RYR2: variants seen among roughly 807,000 people sequenced by gnomAD.
The protein encoded by RYR2 is cardiac muscle ryanodine receptor-calcium release channel.
A neutral mutation model predicts 601.1 loss-of-function variants in RYR2; 227 were observed. That is an observed-to-expected ratio of 0.38 (90% CI 0.34 to 0.42). The LOEUF is 0.42. RYR2 is among the 10% of genes least tolerant of loss of function. RYR2 has a pLI of 1.00. For synonymous variants in RYR2, 2,223 were observed against 2,175.1 expected (o/e 1.02, Z -0.61); for missense variants, 4,646 against 6,156.5 (o/e 0.75, Z 8.21).
intron 1 of RYR2, among the ~76,000 whole-genome samples, chr1:237,215,112 C>A (rs1411420846): frequency 1.3e-5 from 2 of 152,152 alleles, no homozygotes; most frequent in African/African-American, 4.8e-5. Context: ...AGTATATCTT[C>A]CTTTGGCCTA....
In RYR2 at chr1:237,291,294, T is replaced by G. The variant is rs183153617; in HGVS notation, c.168+20678T>G. Among the ~76,000 whole-genome samples the G allele has an allele frequency of 1.2e-3, 189 of 152,210 alleles. 3 individuals are homozygous for G. Among genetic ancestry groups the G allele is most frequent in the African/African-American group, 3.4e-3 (143 of 41,540 alleles). Reference sequence around the variant, plus strand: ...CCAAAACTCAGACAACAACCAATGCTGGTGGGGATGTGGAGCAACAGGAAC... The same window carrying G: ...CCAAAACTCAGACAACAACCAATGCGGGTGGGGATGTGGAGCAACAGGAAC... On this transcript the variant is annotated intron_variant, in intron 2 of 104. Transcript: ENST00000366574.
At chr1:237,278,248 T>TA (rs2149372890) in intron 2 of RYR2, among the ~76,000 whole-genome samples, 1 of 104,748 alleles carries the variant, frequency 9.5e-6, no homozygotes, top group Non-Finnish European at 1.8e-5. Context: ...TTTTTGTATT[T>TA]TTTTTTTTTT....
chr1:237,374,875 T>G (rs1269650323), intron 7 of RYR2, 80 bp downstream of exon 7: 1 of 1,036,058 alleles, frequency 9.7e-7, no homozygotes. Context: ...GGAAATACGA[T>G]ACATGGGATG....
At chr1:237,628,165 A>T in intron 41 of RYR2, 85 bp downstream of exon 41, 5 of 1,383,774 alleles carry the variant, frequency 3.6e-6, no homozygotes, top group Non-Finnish European at 3.9e-6. Context: ...AACTACATTG[A>T]TAAAAATATA....
chr1:237,240,454 A>G (rs1686024250), intron 1 of RYR2, among the ~76,000 whole-genome samples: 1 of 152,066 alleles, frequency 6.6e-6, no homozygotes, highest in Non-Finnish European at 1.5e-5. Flanking sequence ...ACACATTTGA[A>G]ATTTATATAC....
intron 1 of RYR2, among the ~76,000 whole-genome samples, chr1:237,154,963 A>T (rs1160671195): frequency 6.6e-6 from 1 of 152,060 alleles, no homozygotes; most frequent in Non-Finnish European, 1.5e-5. Context: ...CTCATTGTTC[A>T]TACTTTCTAC....
At chr1:237,507,371 A>T (rs1665378779) in intron 23 of RYR2, among the ~76,000 whole-genome samples, 1 of 152,204 alleles carries the variant, frequency 6.6e-6, no homozygotes. Context: ...ATTTAGATTT[A>T]AAACAAACAA....
At chr1:237,750,152 C>CA (rs1045018330) in intron 80 of RYR2, among the ~76,000 whole-genome samples, 5 of 151,056 alleles carry the variant, frequency 3.3e-5, no homozygotes, top group African/African-American at 7.3e-5. Flanking sequence ...TCTCAAAAAA[C>CA]AAAAAAAGAA....
chr1:237,527,072 T>G (rs1264429235), intron 24 of RYR2, among the ~76,000 whole-genome samples: 1 of 152,214 alleles, frequency 6.6e-6, no homozygotes, highest in Non-Finnish European at 1.5e-5. Flanking sequence ...ATTTCTCCAG[T>G]GTTTATTTTT....
At chr1:237,112,216 C>T (rs1315883745) in intron 1 of RYR2, among the ~76,000 whole-genome samples, 2 of 152,148 alleles carry the variant, frequency 1.3e-5, no homozygotes, top group East Asian at 1.9e-4. Context: ...CGGGTTCAAG[C>T]GATTCTCCTG....
Position 237,493,049 on chromosome 1 carries a change from C to T in RYR2, c.1923C>T (p.Asp641=). ...LICDNLLPGR[D]LLLQTRLVNH... is the part of the protein sequence containing the mutation. ...GTGACAATCTCCTACCAGGAAGAGA[C>T]TTGTTATTGCAGACACGTCTTGTGA... The change falls in exon 19 of 105, where the codon GAC becomes GAT. Residue 641 remains aspartate (D), a synonymous_variant. Coordinates refer to ENST00000366574, the MANE Select transcript of RYR2 (RefSeq NM_001035.3). 1 of 1,613,464 alleles carries T rather than the reference C, an allele frequency of 6.2e-7. No homozygotes were observed. The highest frequency in any genetic ancestry group is 8.5e-7 in the Non-Finnish European group (1 of 1,179,726).
At chr1:237,642,769 T>C (rs1223922162) in intron 47 of RYR2, among the ~76,000 whole-genome samples, 1 of 152,192 alleles carries the variant, frequency 6.6e-6, no homozygotes, top group Non-Finnish European at 1.5e-5. Context: ...TCCTGGATAC[T>C]TCATGTCAGT....
intron 2 of RYR2, among the ~76,000 whole-genome samples, chr1:237,275,542 T>TTTCATGGCCCCAA (rs1293544730): frequency 2.0e-5 from 3 of 152,068 alleles, no homozygotes; most frequent in Admixed American, 2.0e-4. Flanking sequence ...GACAAAGTAG[T>TTTCATGGCCCCAA]TTCATGGCCC....
At chr1:237,193,420 A>C (rs1680226077) in intron 1 of RYR2, among the ~76,000 whole-genome samples, 1 of 152,182 alleles carries the variant, frequency 6.6e-6, no homozygotes, top group African/African-American at 2.4e-5. Flanking sequence ...AGATCGCGCC[A>C]CTGCACTCCA....
At chr1:237,511,858 A>AG in intron 24 of RYR2, 67 bp downstream of exon 24, 2 of 922,396 alleles carry the variant, frequency 2.2e-6, no homozygotes, top group African/African-American at 1.7e-5. Context: ...AAAAAAAAAA[A>AG]ACAGGTATTG....
chr1:237,307,390 G>T (rs1325256375), intron 2 of RYR2, among the ~76,000 whole-genome samples: 1 of 152,184 alleles, frequency 6.6e-6, no homozygotes, highest in Non-Finnish European at 1.5e-5. Context: ...TGAATTCACA[G>T]ATGTTCTTAA....
At chr1:237,830,505 G>A (rs376695688) in intron 102 of RYR2, 25 bp from the exon 103 acceptor site, 32 of 1,399,036 alleles carry the variant, frequency 2.3e-5, no homozygotes, top group Non-Finnish European at 2.7e-5. Flanking sequence ...GAACTCTGAC[G>A]TTAATATTTC....
At chr1:237,148,329 G>C (rs1674240712) in intron 1 of RYR2, among the ~76,000 whole-genome samples, 1 of 151,788 alleles carries the variant, frequency 6.6e-6, no homozygotes, top group Non-Finnish European at 1.5e-5. Context: ...ACAGTGAGGG[G>C]AACATCACAC....
chr1:237,374,257 C>T (rs1018188319), intron 6 of RYR2, among the ~76,000 whole-genome samples: 6 of 152,004 alleles, frequency 3.9e-5, no homozygotes, highest in African/African-American at 1.5e-4. Flanking sequence ...CACTGTGGCT[C>T]ATGCCTATAA....
Sources: gnomAD v4.1 joint callset for allele counts (sites outside exome capture counted in the v4.1 genomes callset) on GRCh38, gnomAD v4.1.1 for gene constraint, MANE v1.5 for transcripts, NCBI Gene and HGNC (gene_info 2026-07-23, HGNC 2026-07-21) for gene names.